Variants in ERCC1 observed in about 807,000 individuals in gnomAD.
ERCC1 encodes DNA excision repair protein ERCC-1.
A neutral mutation model predicts 37.6 loss-of-function variants in ERCC1; 36 were observed. That is an observed-to-expected ratio of 0.96 (90% confidence interval 0.73 to 1.26). ERCC1 has a LOEUF of 1.26. Among genes scored for constraint, ERCC1 ranks in the 50% most tolerant of loss-of-function variants. The pLI is 0.00. For missense variants in ERCC1, 349 were observed against 376.5 expected (o/e 0.93, Z 0.60); for synonymous variants, 156 against 162.1 (o/e 0.96, Z 0.28).
chr19:45,409,241 A>G lies in ERCC1; in HGVS notation c.*434T>C. ...AGCTCCCACATCCACCAAGAAGAAGAAGAAGAAGAAAGAGAGAGGTCACAC... is the reference window on the plus strand; with the variant it reads ...AGCTCCCACATCCACCAAGAAGAAGGAGAAGAAGAAAGAGAGAGGTCACAC... On this transcript the variant is annotated 3_prime_UTR_variant, in exon 10 of 10. Transcript: ENST00000300853. 6.2e-7 allele frequency: 1 copy of G among 1,613,682 alleles called. No individual in the cohort carries two copies. The highest frequency in any genetic ancestry group is 8.5e-7 in the Non-Finnish European group (1 of 1,179,732).
At chr19:45,424,848 C>G (rs1243479683), upstream of ERCC1, among the ~76,000 whole-genome samples, 1 of 151,390 alleles carries the variant, frequency 6.6e-6, no homozygotes, top group Non-Finnish European at 1.5e-5. Flanking sequence ...CAATCTGTTC[C>G]GTTCTGACTT....
At chr19:45,428,083 C>CTTT (rs5828235), upstream of ERCC1, among the ~76,000 whole-genome samples, 1,401 of 115,930 alleles carry the variant, frequency 0.012, 76 homozygotes, top group East Asian at 0.059. Flanking sequence ...TTCTTTCTTT[C>CTTT]TTTTTTTTTT....
Position 45,416,841 on chromosome 19 carries a change from G to GCAGT in ERCC1, c.578_581dup (p.Cys194Ter). On this transcript the variant is annotated stop_gained and frameshift_variant, in exon 6 of 10. Coordinates refer to ENST00000300853, the MANE Select transcript of ERCC1 (RefSeq NM_001983.4). LOFTEE classifies it high-confidence loss of function. ...CTCACCTCCAGGCGAGGATCAATGT[G>GCAGT]CAGTCGGCCAGGATACACATCTTAG... 1 of 1,613,596 alleles carries GCAGT rather than the reference G, an allele frequency of 6.2e-7. No individual in the cohort carries two copies. Among genetic ancestry groups the GCAGT allele is most frequent in the Non-Finnish European group, 8.5e-7 (1 of 1,179,624 alleles).
chr19:45,426,444 AG>A (rs369603272), upstream of ERCC1, among the ~76,000 whole-genome samples: 3 of 150,486 alleles, frequency 2.0e-5, no homozygotes, highest in African/African-American at 7.3e-5. Flanking sequence ...CCAGCTACTC[AG>A]GAGGCTGAGG....
At chr19:45,423,204 C>T in intron 2 of ERCC1, 66 bp downstream of exon 2, 1 of 1,487,686 alleles carries the variant, frequency 6.7e-7, no homozygotes, top group Non-Finnish European at 9.2e-7. Flanking sequence ...TCCCACAGGC[C>T]CCATCCTATC....
Position 45,408,731 on chromosome 19 carries a change from A to C in ERCC1, c.*944T>G, listed in dbSNP as rs1257994417. The C allele has an allele frequency of 3.1e-6, 5 of 1,613,946 alleles. No individual in the cohort carries two copies. The South Asian group carries it at 5.5e-5, about 18-fold the overall frequency. ...CCCGTCCACCACCAAGAAGAGGAAGAAGCCCAAAGGGAAAGAAACCTTCGA... is the reference window on the plus strand; with the variant it reads ...CCCGTCCACCACCAAGAAGAGGAAGCAGCCCAAAGGGAAAGAAACCTTCGA... On this transcript the variant is annotated 3_prime_UTR_variant, in exon 10 of 10. Transcript: ENST00000300853.
intron 1 of ERCC1, 41 bp downstream of exon 1, chr19:45,423,740 C>T: frequency 8.6e-7 from 1 of 1,158,338 alleles, no homozygotes; most frequent in Non-Finnish European, 1.1e-6. Flanking sequence ...TGATTGGCTT[C>T]CGCGGCGCCA....
chr19:45,423,275 C>G lies in ERCC1; in HGVS notation c.100G>C (p.Gly34Arg). Residue 34 changes from glycine to arginine, a missense_variant, in exon 2 of 10, where the codon GGA (glycine) becomes CGA (arginine). Gly to Arg is a moderately radical substitution (Grantham distance 125). Coordinates refer to ENST00000300853, the MANE Select transcript of ERCC1 (RefSeq NM_001983.4). ...CCCGCATCTCCTTGTCCTACCACTC[C>G]AGGAGGGACCTCATCCTCGTCGAGG... ...IPLDEDEVPP[G>R]VAKPLFRSTQ... 1 of 1,613,254 alleles carries G rather than the reference C, an allele frequency of 6.2e-7. No individual in the cohort carries two copies. The highest frequency in any genetic ancestry group is 1.1e-5 in the South Asian group (1 of 90,822).
In ERCC1 at chr19:45,421,040, C is replaced by CGAAT. The variant is rs3212949; in HGVS notation, c.321+134_321+137dup. The CGAAT allele has an allele frequency of 3.9e-3, 3,047 of 773,756 alleles. 7 individuals are homozygous for CGAAT. Among genetic ancestry groups the CGAAT allele is most frequent in the South Asian group, 5.8e-3 (398 of 68,084 alleles). The allele number at this position is 773,756 out of a possible 1,614,324, so 47.9% of individuals were successfully genotyped here. On this transcript the variant is annotated intron_variant, in intron 3 of 9. Transcript: ENST00000300853. The stretch of plus-strand genomic sequence containing the variant: ...GCACTCTCAACCCACACACTGCTGT[C>CGAAT]GAATGAATGAATGAATGAATGAATG...
In ERCC1 at chr19:45,423,885, CG is replaced by C. The variant is rs771229676; in HGVS notation, c.-113del. On this transcript the variant is annotated 5_prime_UTR_variant, in exon 1 of 10. Transcript: ENST00000300853. ...GGATCGAGGCGGCCCACTGCCAGCA[CG>C]GCCAGCGTGGCCCAGGGCTCGCAGC... 1.0e-4 allele frequency: 112 copies of C among 1,103,264 alleles called. No individual in the cohort carries two copies. The highest frequency in any genetic ancestry group is 1.4e-4 in the Admixed American group (3 of 21,892). The allele number at this position is 1,103,264 out of a possible 1,614,324, so 68.3% of individuals were successfully genotyped here. A position where few individuals can be genotyped will look rare whatever the true frequency, so the allele number is the denominator to read the frequency against.
At chr19:45,441,217 G>A (rs1276700859) in intron 1 of ERCC1, among the ~76,000 whole-genome samples, 4 of 152,088 alleles carry the variant, frequency 2.6e-5, no homozygotes, top group Non-Finnish European at 5.9e-5. Flanking sequence ...AAGCATCAGT[G>A]TCAGGCCTCA....
At chr19:45,445,777 C>G (rs1040274045) in intron 1 of ERCC1, among the ~76,000 whole-genome samples, 1 of 152,150 alleles carries the variant, frequency 6.6e-6, no homozygotes. Context: ...AAGGGCTGAT[C>G]CCGCAGGGCC....
intron 2 of ERCC1, among the ~76,000 whole-genome samples, chr19:45,422,285 C>T (rs2123530496): frequency 6.6e-6 from 1 of 152,222 alleles, no homozygotes; most frequent in Non-Finnish European, 1.5e-5. Flanking sequence ...TACCACTTCT[C>T]CTTGCTTTCT....
chr19:45,432,973 G>A (rs1000158783), intron 1 of ERCC1, among the ~76,000 whole-genome samples: 2 of 152,188 alleles, frequency 1.3e-5, no homozygotes, highest in South Asian at 2.1e-4. Context: ...CCACCTACTC[G>A]GGAGGCTGAG....
chr19:45,446,304 C>T (rs1335478113), intron 1 of ERCC1, among the ~76,000 whole-genome samples: 1 of 152,126 alleles, frequency 6.6e-6, no homozygotes, highest in Non-Finnish European at 1.5e-5. Flanking sequence ...CCAGTTGAGT[C>T]CAATGGTGAC....
At chr19:45,424,068 C>T (rs776846278), upstream of ERCC1, 138 of 1,041,850 alleles carry the variant, frequency 1.3e-4, no homozygotes, top group East Asian at 2.3e-4. Flanking sequence ...TTTCAAAGCC[C>T]TTACTGAGCG....
chr19:45,426,640 T>C (rs1220967613), upstream of ERCC1, among the ~76,000 whole-genome samples: 1 of 152,002 alleles, frequency 6.6e-6, no homozygotes, highest in African/African-American at 2.4e-5. Context: ...CAAATGCCTT[T>C]TTCTTTTCAC....
chr19:45,408,199 G>A lies in ERCC1; in HGVS notation c.*1476C>T, dbSNP rs1973465031. 6.2e-7 allele frequency: 1 copy of A among 1,613,436 alleles called. No homozygotes were observed. Among genetic ancestry groups the A allele is most frequent in the South Asian group, 1.1e-5 (1 of 91,052 alleles). On this transcript the variant is annotated 3_prime_UTR_variant, in exon 10 of 10. Transcript: ENST00000300853. ...TCAAGGGCAAATTGGCAGGCAAGCG[G>A]CACCGCTATCGAGTCCTCAGCAGCT...
intron 1 of ERCC1, among the ~76,000 whole-genome samples, chr19:45,443,918 A>C (rs1975186609): frequency 6.9e-6 from 1 of 145,550 alleles, no homozygotes; most frequent in Non-Finnish European, 1.5e-5. Context: ...ACACCTTCCC[A>C]ACGCCCCCCG....
Sources: gnomAD v4.1 joint callset for allele counts (sites outside exome capture counted in the v4.1 genomes callset) on GRCh38, gnomAD v4.1.1 for gene constraint, MANE v1.5 for transcripts, NCBI Gene and HGNC (gene_info 2026-07-23, HGNC 2026-07-21) for gene names.